Variants in LRRC49 observed in about 807,000 individuals in gnomAD.
The protein encoded by LRRC49 is leucine-rich repeat-containing protein 49.
A neutral mutation model predicts 83.3 loss-of-function variants in LRRC49; 50 were observed. The observed-to-expected ratio is 0.60, with a 90% CI of 0.48 to 0.76. The LOEUF (loss-of-function observed/expected upper bound fraction) is 0.76. Ranked by LOEUF, LRRC49 falls within the 30% of genes least tolerant of loss-of-function variation. The pLI is 0.00. For synonymous variants in LRRC49, 286 were observed against 283.3 expected (o/e 1.01, Z -0.10); for missense variants, 704 against 809.1 (o/e 0.87, Z 1.58).
rs1009114170 is a variant in LRRC49 at position 71,011,274 on chromosome 15, T to C, written c.1593+1282T>C. Among the ~76,000 whole-genome samples, 3 of 152,092 alleles carry C rather than the reference T, an allele frequency of 2.0e-5. No individual in the cohort carries two copies. In the South Asian group the frequency reaches 6.2e-4, roughly 31 times the overall value. On this transcript the variant is annotated intron_variant, in intron 13 of 15. Transcript: ENST00000260382. The stretch of plus-strand genomic sequence containing the variant: ...GCCCAGACTGGAAATAGAATGGTTA[T>C]TTTTACTGTGGGTGACTGAGTCTCC...
At chr15:70,968,624 C>G (rs1357786352) in intron 9 of LRRC49, among the ~76,000 whole-genome samples, 5 of 152,178 alleles carry the variant, frequency 3.3e-5, no homozygotes, top group African/African-American at 1.2e-4. Flanking sequence ...TCCTATTTGT[C>G]CACATTCTCT....
chr15:70,859,637 G>A (rs1380267292), intron 1 of LRRC49: 14 of 640,582 alleles, frequency 2.2e-5, no homozygotes, highest in South Asian at 8.4e-5. Flanking sequence ...TGAGATCTCC[G>A]AGATGAACTG....
In LRRC49 at chr15:70,884,590, T is replaced by C. The variant is rs17709484; in HGVS notation, c.19-8994T>C. On this transcript the variant is annotated intron_variant, in intron 2 of 16. Transcript: ENST00000544974. Reference sequence around the variant, plus strand: ...TTTGTAAAGAAATTCCTGTGAAGAGTCCCTTTGTAACACAAATCTTATTTA... The same window carrying C: ...TTTGTAAAGAAATTCCTGTGAAGAGCCCCTTTGTAACACAAATCTTATTTA... Among the ~76,000 whole-genome samples the C allele has an allele frequency of 9.8e-3, 1,487 of 151,378 alleles. 8 individuals carry two copies. Among genetic ancestry groups the C allele is most frequent in the Admixed American group, 0.017 (258 of 15,182 alleles).
intron 12 of LRRC49, among the ~76,000 whole-genome samples, chr15:71,008,821 CA>C (rs1051013186): frequency 1.5e-4 from 23 of 151,040 alleles, no homozygotes; most frequent in African/African-American, 4.4e-4. Context: ...AATTCTATCT[CA>C]AAAAAAATGA....
At chr15:70,907,826 T>A in intron 5 of LRRC49, 1 of 382,550 alleles carries the variant, frequency 2.6e-6, no homozygotes, top group Non-Finnish European at 5.2e-6. Flanking sequence ...AGAACTTCTT[T>A]TTTAAATAAA....
At chr15:70,867,817 C>T (rs1001114155) in intron 1 of LRRC49, among the ~76,000 whole-genome samples, 2 of 152,162 alleles carry the variant, frequency 1.3e-5, no homozygotes, top group Admixed American at 6.5e-5. Flanking sequence ...TACCACAATG[C>T]CTGCAATCTT....
intron 6 of LRRC49, among the ~76,000 whole-genome samples, 196 bp downstream of exon 6, chr15:70,911,794 A>T (rs1190631566): frequency 6.6e-6 from 1 of 152,178 alleles, no homozygotes; most frequent in Non-Finnish European, 1.5e-5. Flanking sequence ...AGCTTATAAA[A>T]CATTTCAAAT....
chr15:70,980,488 T>C (rs1303653160), intron 10 of LRRC49, among the ~76,000 whole-genome samples: 1 of 152,106 alleles, frequency 6.6e-6, no homozygotes, highest in Non-Finnish European at 1.5e-5. Flanking sequence ...TCATCTTGTG[T>C]ATCCCATGGC....
intron 14 of LRRC49, among the ~76,000 whole-genome samples, chr15:71,031,672 G>A (rs544806501): frequency 1.3e-5 from 2 of 152,322 alleles, no homozygotes; most frequent in Admixed American, 1.3e-4. Context: ...GTAAGCCCCT[G>A]AATGGGGCTG....
intron 8 of LRRC49, among the ~76,000 whole-genome samples, chr15:70,938,658 T>C (rs528672176): frequency 7.9e-5 from 12 of 152,312 alleles, no homozygotes; most frequent in African/African-American, 2.6e-4. Context: ...AGATAACCTG[T>C]AGTGATAGCT....
rs371588212 is a variant in LRRC49 at position 70,919,052 on chromosome 15, T to G, written c.570T>G (p.Ile190Met). The G allele has an allele frequency of 5.0e-6, 8 of 1,610,046 alleles. No homozygotes were observed. Among genetic ancestry groups the G allele is most frequent in the Non-Finnish European group, 6.8e-6 (8 of 1,178,114 alleles). Reference sequence around the variant, plus strand: ...CCTTCTCCTATTTTCTTTAACAGATTACCAAAATTGAAAATATTAATCATT... The same window carrying G: ...CCTTCTCCTATTTTCTTTAACAGATGACCAAAATTGAAAATATTAATCATT... ...LDVLDLHGNQ[I>M]TKIENINHLC... The change falls in exon 7 of 16, where the codon ATT (isoleucine) becomes ATG (methionine). Residue 190 changes from isoleucine to methionine, a missense_variant and splice_region_variant. Coordinates refer to ENST00000260382, the MANE Select transcript of LRRC49 (RefSeq NM_017691.5).
intron 8 of LRRC49, among the ~76,000 whole-genome samples, chr15:70,950,479 T>G (rs2036178512): frequency 6.6e-6 from 1 of 152,094 alleles, no homozygotes; most frequent in Non-Finnish European, 1.5e-5. Context: ...AGCGTATCAT[T>G]GTGGTTTTGA....
chr15:70,992,596 A>G (rs757011857), intron 11 of LRRC49, among the ~76,000 whole-genome samples: 9 of 152,358 alleles, frequency 5.9e-5, no homozygotes, highest in Middle Eastern at 6.8e-3. Flanking sequence ...TTGCCCAGGT[A>G]TCAGCAGCAG....
chr15:70,863,703 T>C lies in LRRC49; in HGVS notation c.-298-9205T>C, dbSNP rs146391944. ...ATTTGGGGGACAGAGTAGCGTCTGA[T>C]ATGTGTTTGTTTGCCTGTGGGCCAA... On this transcript the variant is annotated intron_variant, in intron 1 of 16. Coordinates refer to the LRRC49 transcript ENST00000544974. 3.9e-3 allele frequency among the ~76,000 whole-genome samples: 595 copies of C among 152,324 alleles called. 1 individual carries two copies. Among genetic ancestry groups the C allele is most frequent in the Non-Finnish European group, 5.7e-3 (390 of 68,024 alleles).
At chr15:70,933,104 A>C (rs1379044409) in intron 7 of LRRC49, among the ~76,000 whole-genome samples, 1 of 152,138 alleles carries the variant, frequency 6.6e-6, no homozygotes, top group Admixed American at 6.5e-5. Flanking sequence ...TTTCTCAGAA[A>C]ACAAATCAGT....
At chr15:71,003,119 T>C (rs541328554) in intron 11 of LRRC49, among the ~76,000 whole-genome samples, 15 of 151,970 alleles carry the variant, frequency 9.9e-5, no homozygotes, top group Admixed American at 4.6e-4. Context: ...GTATTTTTAG[T>C]AGAGATGGGG....
At chr15:71,000,996 T>C (rs906795588) in intron 11 of LRRC49, among the ~76,000 whole-genome samples, 5 of 152,194 alleles carry the variant, frequency 3.3e-5, no homozygotes, top group Non-Finnish European at 7.4e-5. Flanking sequence ...CTTTAAATAC[T>C]ATTTATATAC....
intron 14 of LRRC49, among the ~76,000 whole-genome samples, chr15:71,020,130 T>G (rs10444852): frequency 6.6e-6 from 1 of 151,804 alleles, no homozygotes; most frequent in Non-Finnish European, 1.5e-5. Context: ...CCAGAAGACC[T>G]GAAAGGAAAC....
intron 5 of LRRC49, among the ~76,000 whole-genome samples, chr15:70,909,480 A>G (rs2034455742): frequency 6.6e-6 from 1 of 152,190 alleles, no homozygotes; most frequent in African/African-American, 2.4e-5. Flanking sequence ...TGATTACAGT[A>G]CTATAATTTT....
Sources: allele counts gnomAD v4.1 joint callset (sites outside exome capture counted in the v4.1 genomes callset), GRCh38; gene constraint gnomAD v4.1.1; transcripts MANE v1.5; gene names NCBI Gene and HGNC (gene_info 2026-07-23, HGNC 2026-07-21).